The following KAZN variants were observed in gnomAD, a reference collection of about 807,000 sequenced individuals.
The protein encoded by KAZN is kazrin, periplakin interacting protein, also known as kazrin.
Under a neutral mutation model 87.4 loss-of-function variants are expected in KAZN, and 40 were observed. The observed-to-expected ratio is 0.46, with a 90% CI of 0.36 to 0.60. The LOEUF (loss-of-function observed/expected upper bound fraction) is 0.60, where lower values mean the gene tolerates loss of function less well. Among genes scored for constraint, KAZN ranks in the 20% least tolerant of loss-of-function variants. The pLI is 0.00. For synonymous variants in KAZN, 466 were observed against 458.3 expected (o/e 1.02, Z -0.22); for missense variants, 898 against 1,073.9 (o/e 0.84, Z 2.29).
At chr1:14,241,218 A>G (rs553762389) in intron 2 of KAZN, among the ~76,000 whole-genome samples, 25 of 152,156 alleles carry the variant, frequency 1.6e-4, no homozygotes, top group Non-Finnish European at 2.6e-4. Flanking sequence ...AGAAAGCTAC[A>G]CCTGAGAGGT....
At chr1:14,237,860 A>C (rs1465538854) in intron 2 of KAZN, among the ~76,000 whole-genome samples, 1 of 152,216 alleles carries the variant, frequency 6.6e-6, no homozygotes, top group East Asian at 1.9e-4. Flanking sequence ...CAGCTGTGCC[A>C]CATGCAGGCT....
At chr1:14,896,392 G>C (rs573356523) in intron 1 of KAZN, among the ~76,000 whole-genome samples, 1 of 152,324 alleles carries the variant, frequency 6.6e-6, no homozygotes, top group African/African-American at 2.4e-5. Flanking sequence ...AGGAGGCCAG[G>C]AGCAGTGGCT....
At chr1:14,537,332 T>C (rs1672563113) in intron 2 of KAZN, among the ~76,000 whole-genome samples, 1 of 152,252 alleles carries the variant, frequency 6.6e-6, no homozygotes, top group East Asian at 1.9e-4. Flanking sequence ...TCCAATACTG[T>C]AGCCACTACC....
At chr1:14,192,921 G>A (rs1646450674) in intron 2 of KAZN, among the ~76,000 whole-genome samples, 1 of 152,132 alleles carries the variant, frequency 6.6e-6, no homozygotes, top group Admixed American at 6.5e-5. Flanking sequence ...TAGAGTGGGT[G>A]CTAATCCATT....
chr1:14,514,443 AAT>A (rs1329846007), intron 2 of KAZN, among the ~76,000 whole-genome samples: 2 of 9,588 alleles, frequency 2.1e-4, no homozygotes, highest in East Asian at 2.5e-3. Context: ...ATAATTGCAA[AAT>A]ATATATATTA....
At chr1:15,007,066 A>G (rs538609049) in intron 2 of KAZN, among the ~76,000 whole-genome samples, 7 of 150,690 alleles carry the variant, frequency 4.6e-5, no homozygotes, top group South Asian at 2.1e-4. Context: ...CAAAAAAAAA[A>G]AAAAAAAAAA....
intron 2 of KAZN, among the ~76,000 whole-genome samples, chr1:14,233,272 C>T (rs1181057137): frequency 6.6e-6 from 1 of 152,160 alleles, no homozygotes; most frequent in African/African-American, 2.4e-5. Context: ...GCTGGGGCTA[C>T]AGGCATGTGC....
chr1:14,344,467 A>G (rs1425629452), intron 2 of KAZN, among the ~76,000 whole-genome samples: 2 of 152,086 alleles, frequency 1.3e-5, no homozygotes, highest in Non-Finnish European at 2.9e-5. Flanking sequence ...TTTTTAAATG[A>G]TAGATTTGGT....
intron 2 of KAZN, among the ~76,000 whole-genome samples, chr1:14,530,611 G>A (rs1424818315): frequency 2.0e-5 from 3 of 151,936 alleles, no homozygotes; most frequent in South Asian, 4.2e-4. Flanking sequence ...TAAAGAGCCT[G>A]GCACCTCCTC....
At chr1:14,714,531 T>C (rs1247733432) in intron 1 of KAZN, among the ~76,000 whole-genome samples, 1 of 152,136 alleles carries the variant, frequency 6.6e-6, no homozygotes, top group African/African-American at 2.4e-5. Flanking sequence ...GTTGGGAATG[T>C]TTGTGGAGAG....
At chr1:14,576,440 A>AATGG (rs146715522) in intron 2 of KAZN, among the ~76,000 whole-genome samples, 2 of 150,554 alleles carry the variant, frequency 1.3e-5, no homozygotes, top group Non-Finnish European at 3.0e-5. Flanking sequence ...TGAATGGAAC[A>AATGG]ATGGATGGAT....
intron 2 of KAZN, among the ~76,000 whole-genome samples, chr1:14,589,332 A>T (rs10927470): frequency 1.5e-4 from 1 of 6,572 alleles, no homozygotes; most frequent in African/African-American, 2.1e-3. Context: ...CAAGGCAGGT[A>T]AAAAAAAAAA....
chr1:14,693,996 G>A (rs1025251472), intron 1 of KAZN, among the ~76,000 whole-genome samples: 3 of 152,208 alleles, frequency 2.0e-5, no homozygotes, highest in Non-Finnish European at 2.9e-5. Flanking sequence ...AGGCAGTGGT[G>A]TGGTTTTAGC....
chr1:14,478,445 T>C (rs889750906), intron 2 of KAZN, among the ~76,000 whole-genome samples: 2 of 152,128 alleles, frequency 1.3e-5, no homozygotes, highest in Non-Finnish European at 2.9e-5. Context: ...TTTTGGACAC[T>C]TGAGACCCAA....
chr1:15,027,070 C>T (rs369939615), intron 2 of KAZN, among the ~76,000 whole-genome samples: 1,991 of 55,964 alleles, frequency 0.036, 84 homozygotes, highest in African/African-American at 0.11. Context: ...GCCAGTGCTT[C>T]TTTTTTTTTT....
chr1:14,144,329 A>G (rs1207789007), intron 1 of KAZN, among the ~76,000 whole-genome samples: 1 of 152,168 alleles, frequency 6.6e-6, no homozygotes, highest in Non-Finnish European at 1.5e-5. Flanking sequence ...ACTTTGGTGG[A>G]CCACATCTTC....
At chr1:14,465,398 CAA>C (rs71572107) in intron 2 of KAZN, among the ~76,000 whole-genome samples, 7 of 84,784 alleles carry the variant, frequency 8.3e-5, no homozygotes, top group Non-Finnish European at 1.3e-4. Context: ...GACTCTGTCT[CAA>C]AAAAAAAAAA....
intron 1 of KAZN, among the ~76,000 whole-genome samples, chr1:14,065,862 GATGAATTGTATAAAATTC>G (rs1319206175): frequency 2.0e-5 from 3 of 152,234 alleles, no homozygotes; most frequent in East Asian, 1.9e-4. Context: ...TGGCTACATG[GATGAATTGTATAAAATTC>G]ATGAATTGTA....
chr1:14,339,250 G>A (rs1485853335), intron 2 of KAZN, among the ~76,000 whole-genome samples: 1 of 152,136 alleles, frequency 6.6e-6, no homozygotes, highest in African/African-American at 2.4e-5. Context: ...CTCATTCTTT[G>A]AATGGGGAAG....
Sources: allele counts gnomAD v4.1 joint callset (sites outside exome capture counted in the v4.1 genomes callset), GRCh38; gene constraint gnomAD v4.1.1; transcripts MANE v1.5; gene names NCBI Gene and HGNC (gene_info 2026-07-23, HGNC 2026-07-21).